The following AHI1 variants were observed in gnomAD, a reference collection of about 807,000 sequenced individuals.
AHI1 encodes Abelson helper integration site 1.
A neutral mutation model predicts 149.3 loss-of-function variants in AHI1; 123 were observed. The observed-to-expected ratio is 0.82, with a 90% CI of 0.71 to 0.96. The LOEUF is 0.96. AHI1 is among the 40% of genes least tolerant of loss of function. The probability of loss-of-function intolerance (pLI) is 0.00; values close to 1 mark genes in which losing one functional copy is unlikely to be tolerated. For synonymous variants in AHI1, 475 were observed against 459.8 expected (o/e 1.03, Z -0.42); for missense variants, 1,439 against 1,422.7 (o/e 1.01, Z -0.18).
At chr6:135,423,352 T>C (rs949743100) in intron 20 of AHI1, among the ~76,000 whole-genome samples, 2 of 152,182 alleles carry the variant, frequency 1.3e-5, no homozygotes, top group Admixed American at 6.6e-5. Flanking sequence ...TGCATATTAG[T>C]AACATGCCAG....
At chr6:135,297,465 T>G (rs776035752) in intron 27 of AHI1, 15 of 456,192 alleles carry the variant, frequency 3.3e-5, no homozygotes, top group Non-Finnish European at 4.4e-5. Context: ...CTATGCATAT[T>G]CCTCCTGCCT....
chr6:135,409,901 C>T (rs1230921410), intron 21 of AHI1, among the ~76,000 whole-genome samples: 2 of 152,140 alleles, frequency 1.3e-5, no homozygotes, highest in African/African-American at 2.4e-5. Context: ...ATGCTGGTCT[C>T]TTCTTTAACA....
intron 23 of AHI1, among the ~76,000 whole-genome samples, chr6:135,381,996 G>A (rs926252191): frequency 3.3e-5 from 5 of 152,102 alleles, no homozygotes; most frequent in Non-Finnish European, 7.4e-5. Context: ...ATTAAAATGT[G>A]TTATTTCTGG....
intron 24 of AHI1, among the ~76,000 whole-genome samples, chr6:135,354,635 C>A (rs1012802213): frequency 5.3e-5 from 8 of 152,136 alleles, no homozygotes; most frequent in African/African-American, 1.9e-4. Context: ...AGGGTTCAGA[C>A]AATAACCTCT....
chr6:135,488,819 A>T (rs1794843864), intron 5 of AHI1, among the ~76,000 whole-genome samples: 1 of 152,040 alleles, frequency 6.6e-6, no homozygotes, highest in Non-Finnish European at 1.5e-5. Flanking sequence ...CTATCTTTTC[A>T]AATTTCATTA....
chr6:135,331,207 A>T (rs1582628685), intron 24 of AHI1, among the ~76,000 whole-genome samples: 1 of 152,218 alleles, frequency 6.6e-6, no homozygotes, highest in South Asian at 2.1e-4. Flanking sequence ...TCTTTCTGTG[A>T]CAGAAGTTTA....
At chr6:135,451,096 A>C (rs1236458777) in intron 11 of AHI1, among the ~76,000 whole-genome samples, 1 of 151,928 alleles carries the variant, frequency 6.6e-6, no homozygotes, top group East Asian at 1.9e-4. Context: ...CCCTGTGTCC[A>C]AGCAATCCTC....
chr6:135,445,764 TG>T (rs1354769450), intron 13 of AHI1, among the ~76,000 whole-genome samples: 1 of 152,058 alleles, frequency 6.6e-6, no homozygotes, highest in Non-Finnish European at 1.5e-5. Flanking sequence ...TTTAAAAGAA[TG>T]GGTCTTGCTG....
intron 27 of AHI1, 32 bp downstream of exon 27, chr6:135,300,468 T>C: frequency 6.4e-7 from 1 of 1,564,312 alleles, no homozygotes; most frequent in East Asian, 2.3e-5. Context: ...CAACCATTTA[T>C]CACTGCAAAT....
chr6:135,465,825 T>C lies in AHI1; in HGVS notation c.738A>G (p.Lys246=). The change falls in exon 7 of 29, where the codon AAA becomes AAG. Residue 246 remains lysine, a synonymous_variant. Transcript: ENST00000265602. ...CAATGCAAAAATACCTTGTTTCAGC[T>C]TTAGAGAAGACTGGAACTTCCTTTT... ...KKKKEVPVFS[K]AETSTLTISG... is the part of the protein sequence containing the mutation. 6.8e-7 allele frequency: 1 copy of C among 1,472,096 alleles called. No individual in the cohort carries two copies. Among genetic ancestry groups the C allele is most frequent in the Non-Finnish European group, 9.0e-7 (1 of 1,115,566 alleles). The allele number at this position is 1,472,096 out of a possible 1,614,324, so 91.2% of individuals were successfully genotyped here. A position where few individuals can be genotyped will look rare whatever the true frequency, so the allele number is the denominator to read the frequency against.
chr6:135,336,707 A>G (rs545544823), intron 24 of AHI1, among the ~76,000 whole-genome samples: 1 of 152,318 alleles, frequency 6.6e-6, no homozygotes, highest in South Asian at 2.1e-4. Flanking sequence ...TAAAACAATC[A>G]TACAGACCTC....
At position 135,466,318 on chromosome 6, in the gene AHI1, ACAT is replaced by A. The variant is rs1302055921; in HGVS notation, c.242_244del (p.Asp81del). On this transcript the variant is annotated inframe_deletion, in exon 7 of 29. Transcript: ENST00000265602. ...CAGGTTGTTAGTGTTAGCAGCACTT[ACAT>A]CATCACTTGTAGTTTCTTTAATATG... is the stretch of plus-strand genomic sequence containing the variant. 1 of 1,613,832 alleles carries A rather than the reference ACAT, an allele frequency of 6.2e-7. No homozygotes were observed. The highest frequency in any genetic ancestry group is 1.3e-5 in the African/African-American group (1 of 74,930).
At chr6:135,438,550 A>G in intron 14 of AHI1, 52 bp from the exon 15 acceptor site, 2 of 1,366,082 alleles carry the variant, frequency 1.5e-6, no homozygotes, top group East Asian at 2.6e-5. Context: ...CCTTAATCCA[A>G]TAATATACAA....
In AHI1 at chr6:135,288,781, A is replaced by T. The variant is rs191895106; in HGVS notation, c.3588+1642T>A. Among the ~76,000 whole-genome samples, 1,273 of 152,054 alleles carry T rather than the reference A, an allele frequency of 8.4e-3. 13 individuals carry two copies. The highest frequency in any genetic ancestry group is 0.015 in the Non-Finnish European group (1,014 of 67,976). ...CATGTATACTTGAATACTTTCCTAT[A>T]AGAGATTCCTTGAAGTTGAACTGTC... On this transcript the variant is annotated intron_variant, in intron 28 of 28. Transcript: ENST00000265602.
At chr6:135,290,153 C>T (rs1243300753) in intron 28 of AHI1, among the ~76,000 whole-genome samples, 1 of 152,106 alleles carries the variant, frequency 6.6e-6, no homozygotes, top group Non-Finnish European at 1.5e-5. Flanking sequence ...CTTTTTCTTT[C>T]CTTTAAATTC....
chr6:135,335,899 G>A (rs1789295826), intron 24 of AHI1, among the ~76,000 whole-genome samples: 1 of 151,986 alleles, frequency 6.6e-6, no homozygotes, highest in African/African-American at 2.4e-5. Context: ...GATCACCTGA[G>A]GTCAGGAGTT....
chr6:135,385,703 CAGG>C (rs780363997), intron 23 of AHI1, among the ~76,000 whole-genome samples: 4 of 152,208 alleles, frequency 2.6e-5, no homozygotes, highest in Non-Finnish European at 4.4e-5. Flanking sequence ...GACTGAAAAC[CAGG>C]AGAAGTAACA....
At chr6:135,410,655 T>C (rs1439072545) in intron 21 of AHI1, among the ~76,000 whole-genome samples, 1 of 152,232 alleles carries the variant, frequency 6.6e-6, no homozygotes, top group African/African-American at 2.4e-5. Context: ...GTGGAATTAA[T>C]TGAAGCTTAC....
chr6:135,418,869 C>CTTAT (rs10690365), intron 20 of AHI1, among the ~76,000 whole-genome samples: 5,309 of 151,894 alleles, frequency 0.035, 302 homozygotes, highest in African/African-American at 0.12. Flanking sequence ...GGTAGTTCTA[C>CTTAT]TTAGTTTCCC....
Sources: gnomAD v4.1 joint callset for allele counts (sites outside exome capture counted in the v4.1 genomes callset) on GRCh38, gnomAD v4.1.1 for gene constraint, MANE v1.5 for transcripts, NCBI Gene and HGNC (gene_info 2026-07-23, HGNC 2026-07-21) for gene names.